Variants in PCDH15 observed in about 807,000 individuals in gnomAD.
The protein encoded by PCDH15 is protocadherin related 15.
PCDH15 carries 129 observed loss-of-function variants against 178.5 expected under a neutral mutation model. The ratio of observed to expected loss-of-function variants is 0.72; its 90% CI spans 0.63 to 0.84. PCDH15 has a LOEUF of 0.84. Among genes scored for constraint, PCDH15 ranks in the 40% least tolerant of loss-of-function variants. PCDH15 has a pLI of 0.00. For missense variants in PCDH15, 2,230 were observed against 2,099.9 expected (o/e 1.06, Z -1.21); for synonymous variants, 800 against 732.0 (o/e 1.09, Z -1.50).
At chr10:55,547,381 T>G (rs1156481233) in intron 2 of PCDH15, among the ~76,000 whole-genome samples, 2 of 151,876 alleles carry the variant, frequency 1.3e-5, no homozygotes, top group Non-Finnish European at 2.9e-5. Context: ...GTAACTCAGG[T>G]GAAAGAGAGG....
chr10:53,834,497 C>A (rs563781408), intron 29 of PCDH15, among the ~76,000 whole-genome samples: 5 of 149,832 alleles, frequency 3.3e-5, no homozygotes, highest in African/African-American at 1.2e-4. Flanking sequence ...CTGCCCAAAT[C>A]CAGCATCAAC....
At chr10:54,286,914 G>C (rs182082978) in intron 8 of PCDH15, among the ~76,000 whole-genome samples, 1 of 152,234 alleles carries the variant, frequency 6.6e-6, no homozygotes, top group Non-Finnish European at 1.5e-5. Context: ...GAGCCACTGT[G>C]ACTGGCCAAT....
chr10:55,236,684 G>A (rs1212441166), intron 1 of PCDH15, among the ~76,000 whole-genome samples: 3 of 151,826 alleles, frequency 2.0e-5, no homozygotes, highest in Non-Finnish European at 2.9e-5. Context: ...TCAAAAGTTG[G>A]CGTTTTCCTA....
chr10:54,568,803 A>C (rs1445200331), intron 2 of PCDH15: 1 of 152,126 alleles, frequency 6.6e-6, no homozygotes, highest in East Asian at 1.9e-4. Context: ...AAATATATAG[A>C]ATAGCAAATA....
intron 8 of PCDH15, among the ~76,000 whole-genome samples, chr10:54,280,592 TCAGTG>T (rs1348414154): frequency 6.6e-6 from 1 of 151,858 alleles, no homozygotes; most frequent in Non-Finnish European, 1.5e-5. Flanking sequence ...AGAATAATTA[TCAGTG>T]CCTATATATT....
At chr10:54,180,485 C>T (rs116670544) in intron 13 of PCDH15, among the ~76,000 whole-genome samples, 4,151 of 152,230 alleles carry the variant, frequency 0.027, 81 homozygotes, top group Middle Eastern at 0.078. Flanking sequence ...CTTTAAAGTG[C>T]TCATTGTCAC....
chr10:53,912,345 T>G (rs1365343432), intron 25 of PCDH15, among the ~76,000 whole-genome samples: 5 of 152,172 alleles, frequency 3.3e-5, no homozygotes, highest in Admixed American at 3.3e-4. Context: ...TCGTACTGAA[T>G]GGGCAAAAAC....
chr10:55,147,266 A>C (rs1471532982), intron 2 of PCDH15, among the ~76,000 whole-genome samples: 2 of 151,570 alleles, frequency 1.3e-5, no homozygotes, highest in Non-Finnish European at 3.0e-5. Flanking sequence ...TATAAAATTG[A>C]CAAAAAAAAG....
intron 3 of PCDH15, among the ~76,000 whole-genome samples, chr10:54,462,512 C>CTTTTTTTTTTTTTTTTTTTTTTTTTTTT (rs562731025): frequency 3.0e-5 from 2 of 66,890 alleles, no homozygotes; most frequent in Non-Finnish European, 5.0e-5. Context: ...TTTTTCTTTT[C>CTTTTTTTTTTTTTTTTTTTTTTTTTTTT]TTTTTTTTTT....
intron 23 of PCDH15, among the ~76,000 whole-genome samples, chr10:53,943,217 G>A (rs939279463): frequency 1.3e-5 from 2 of 151,866 alleles, no homozygotes; most frequent in African/African-American, 4.8e-5. Context: ...GGCCGGGCGC[G>A]GTGGCTCACT....
At chr10:54,717,812 G>A (rs1362659275) in intron 1 of PCDH15, among the ~76,000 whole-genome samples, 5 of 142,926 alleles carry the variant, frequency 3.5e-5, no homozygotes, top group African/African-American at 5.4e-5. Flanking sequence ...ACATGCACAC[G>A]TATGTTTACT....
intron 2 of PCDH15, among the ~76,000 whole-genome samples, chr10:55,416,705 T>A (rs1232039988): frequency 1.3e-5 from 2 of 151,770 alleles, no homozygotes; most frequent in Non-Finnish European, 2.9e-5. Context: ...GCTGCTGGGT[T>A]AAAGTTAACC....
At position 54,291,414 on chromosome 10, in the gene PCDH15, T is replaced by C. The variant is rs367914319; in HGVS notation, c.876+25857A>G. The stretch of plus-strand genomic sequence containing the variant: ...ACCCTAATATCACAGCTGAAAGAAC[T>C]AGAGAAGCAAGAGCAAACAAATTCA... On this transcript the variant is annotated intron_variant, in intron 8 of 37. Transcript: ENST00000644397. 1.6e-4 allele frequency among the ~76,000 whole-genome samples: 24 copies of C among 152,162 alleles called. No homozygotes were observed. In the South Asian group the frequency reaches 1.7e-3, roughly 11 times the overall value.
chr10:54,288,579 A>G (rs1443491543), intron 8 of PCDH15, among the ~76,000 whole-genome samples: 1 of 152,182 alleles, frequency 6.6e-6, no homozygotes, highest in Non-Finnish European at 1.5e-5. Flanking sequence ...CCCAGGAAGC[A>G]CAAGGGGTCA....
At chr10:55,219,880 T>TCTCACA (rs1554842073) in intron 1 of PCDH15, among the ~76,000 whole-genome samples, 2 of 144,140 alleles carry the variant, frequency 1.4e-5, no homozygotes, top group South Asian at 2.2e-4. Flanking sequence ...CTGATATCAG[T>TCTCACA]CACACACACA....
At chr10:54,331,423 A>G (rs747380936) in intron 6 of PCDH15, among the ~76,000 whole-genome samples, 7 of 152,010 alleles carry the variant, frequency 4.6e-5, no homozygotes, top group Non-Finnish European at 1.0e-4. Context: ...ATTTAAAAGT[A>G]ACAATTTAAA....
intron 2 of PCDH15, among the ~76,000 whole-genome samples, chr10:55,449,063 A>G (rs1472234915): frequency 2.0e-5 from 3 of 152,090 alleles, no homozygotes; most frequent in Admixed American, 2.0e-4. Context: ...ATTTATAGAT[A>G]GATCTAGGCA....
chr10:55,338,642 C>A (rs1844464711), intron 2 of PCDH15, among the ~76,000 whole-genome samples: 1 of 152,036 alleles, frequency 6.6e-6, no homozygotes. Context: ...GTGGGGTGCA[C>A]TTGTAATCCC....
At chr10:55,590,509 C>T (rs1257724530) in intron 2 of PCDH15, among the ~76,000 whole-genome samples, 1 of 151,958 alleles carries the variant, frequency 6.6e-6, no homozygotes, top group African/African-American at 2.4e-5. Flanking sequence ...TATCATGATA[C>T]TGTTCTTAAC....
Sources: allele counts gnomAD v4.1 joint callset (sites outside exome capture counted in the v4.1 genomes callset), GRCh38; gene constraint gnomAD v4.1.1; transcripts MANE v1.5; gene names NCBI Gene and HGNC (gene_info 2026-07-23, HGNC 2026-07-21).